ERMP1: variants seen among roughly 807,000 people sequenced by gnomAD.
ERMP1 encodes Felix-ina.
In ERMP1, 86 loss-of-function variants were observed where a neutral mutation model predicts 92.0. That is an observed-to-expected ratio of 0.93 (90% CI 0.79 to 1.12). The LOEUF is 1.12. Ranked by LOEUF, ERMP1 falls within the 50% of genes most tolerant of loss-of-function variation. The probability of loss-of-function intolerance (pLI) is 0.00; values close to 1 mark genes in which losing one functional copy is unlikely to be tolerated. For synonymous variants in ERMP1, 530 were observed against 412.8 expected (o/e 1.28, Z -3.44); for missense variants, 1,342 against 1,116.3 (o/e 1.20, Z -2.88).
intron 1 of ERMP1, 118 bp downstream of exon 1, chr9:5,832,572 G>A (rs1001802363): frequency 2.8e-5 from 22 of 776,036 alleles, no homozygotes; most frequent in South Asian, 1.2e-4. Flanking sequence ...CAGCCTGGGA[G>A]GGGTCAGCGA....
At chr9:5,798,242 GT>G (rs1049264585) in intron 12 of ERMP1, among the ~76,000 whole-genome samples, 2 of 151,774 alleles carry the variant, frequency 1.3e-5, no homozygotes, top group African/African-American at 4.8e-5. Context: ...GAGAGACAGA[GT>G]TTTGCTGTTG....
intron 6 of ERMP1, among the ~76,000 whole-genome samples, chr9:5,842,178 G>C (rs1830173446): frequency 1.3e-5 from 2 of 152,220 alleles, no homozygotes; most frequent in African/African-American, 4.8e-5. Flanking sequence ...GGGGTGGCCA[G>C]CTTTTATTCC....
At chr9:5,859,933 G>A (rs1288903806) in intron 5 of ERMP1, among the ~76,000 whole-genome samples, 1 of 152,064 alleles carries the variant, frequency 6.6e-6, no homozygotes, top group African/African-American at 2.4e-5. Context: ...GTATTACACA[G>A]GTCTTAGTAC....
chr9:5,839,662 A>G (rs1392540767), intron 6 of ERMP1, among the ~76,000 whole-genome samples: 1 of 151,920 alleles, frequency 6.6e-6, no homozygotes, highest in Non-Finnish European at 1.5e-5. Flanking sequence ...CTCCTCCTGC[A>G]GCCCCCTGAA....
At chr9:5,804,815 A>C (rs1310402558) in intron 10 of ERMP1, among the ~76,000 whole-genome samples, 1 of 151,930 alleles carries the variant, frequency 6.6e-6, no homozygotes, top group Non-Finnish European at 1.5e-5. Flanking sequence ...AAGGATAGGG[A>C]GGCAAAAAAC....
intron 10 of ERMP1, 92 bp from the exon 11 acceptor site, chr9:5,801,420 C>T: frequency 8.0e-7 from 1 of 1,244,778 alleles, no homozygotes; most frequent in Non-Finnish European, 1.1e-6. Context: ...ACAGTATTAC[C>T]TAACAGCCCC....
chr9:5,859,568 C>T (rs1185785024), exon 6 of ERMP1, among the ~76,000 whole-genome samples: 1 of 152,242 alleles, frequency 6.6e-6, no homozygotes, highest in Admixed American at 6.5e-5. Flanking sequence ...AGTTCCGAGG[C>T]GAAGTTCAGG....
At position 5,784,990 on chromosome 9, in the gene ERMP1, A is replaced by G. The variant is rs1000719978; in HGVS notation, c.*2154T>C. The G allele has an allele frequency of 4.6e-5, 7 of 152,152 alleles. No homozygotes were observed. Among genetic ancestry groups the G allele is most frequent in the African/African-American group, 1.4e-4 (6 of 41,422 alleles). The allele number at this position is 152,152 out of a possible 1,614,324, so 9.4% of individuals were successfully genotyped here. ...ATTTTTTTTAATCTCAGAATCTACT[A>G]ATGTGACAGACAAACGGTATGCTTA... On this transcript the variant is annotated 3_prime_UTR_variant, in exon 15 of 15. Coordinates refer to ENST00000339450, the MANE Select transcript of ERMP1 (RefSeq NM_024896.3).
At chr9:5,845,059 C>T (rs1198318917) in intron 6 of ERMP1, among the ~76,000 whole-genome samples, 1 of 152,016 alleles carries the variant, frequency 6.6e-6, no homozygotes, top group Non-Finnish European at 1.5e-5. Flanking sequence ...CAGTATAGGG[C>T]CTTTGAAACT....
chr9:5,861,717 GTTTTT>G (rs34804675), intron 5 of ERMP1, among the ~76,000 whole-genome samples: 3 of 66,228 alleles, frequency 4.5e-5, no homozygotes, highest in Admixed American at 2.4e-4. Flanking sequence ...GAGAGGAAGG[GTTTTT>G]TTTTTTTTTT....
At chr9:5,832,387 A>G (rs752715252) in intron 1 of ERMP1, 4 of 366,546 alleles carry the variant, frequency 1.1e-5, no homozygotes, top group African/African-American at 2.1e-5. Context: ...GTTCCAGAAT[A>G]TGGGGAGACG....
At chr9:5,810,292 G>C (rs949975710) in intron 7 of ERMP1, 61 bp from the exon 8 acceptor site, 3 of 1,251,082 alleles carry the variant, frequency 2.4e-6, no homozygotes, top group African/African-American at 3.0e-5. Context: ...TATATAACCA[G>C]TCAGTAGAGC....
intron 6 of ERMP1, among the ~76,000 whole-genome samples, chr9:5,845,717 C>G (rs182193517): frequency 2.0e-4 from 31 of 152,284 alleles, no homozygotes; most frequent in African/African-American, 6.0e-4. Context: ...GTAGGGTGCC[C>G]TCTTAGAGCA....
At chr9:5,864,314 G>T (rs1194271125) in intron 5 of ERMP1, among the ~76,000 whole-genome samples, 1 of 152,128 alleles carries the variant, frequency 6.6e-6, no homozygotes, top group Non-Finnish European at 1.5e-5. Flanking sequence ...ACTCAGTAAG[G>T]GAAAGGGCCA....
chr9:5,787,393 C>G (rs755798277), intron 14 of ERMP1, 37 bp downstream of exon 14: 2 of 1,607,648 alleles, frequency 1.2e-6, no homozygotes, highest in Admixed American at 1.7e-5. Context: ...ACCTGGGAAC[C>G]TAATCAATGA....
chr9:5,859,777 A>C (rs965184541), intron 5 of ERMP1, among the ~76,000 whole-genome samples: 1 of 152,190 alleles, frequency 6.6e-6, no homozygotes, highest in African/African-American at 2.4e-5. Context: ...CTTACTACAG[A>C]GACGTACTAT....
chr9:5,854,285 G>C (rs994085433), intron 6 of ERMP1, among the ~76,000 whole-genome samples: 16 of 151,802 alleles, frequency 1.1e-4, no homozygotes. Flanking sequence ...TGAATCTTTG[G>C]AATAGAAAAA....
intron 5 of ERMP1, 35 bp from the exon 6 acceptor site, chr9:5,812,252 T>G (rs1289583091): frequency 7.7e-7 from 1 of 1,306,008 alleles, no homozygotes; most frequent in South Asian, 1.3e-5. Context: ...AAAGTCATTT[T>G]GCTTTAAAGA....
intron 6 of ERMP1, among the ~76,000 whole-genome samples, chr9:5,843,846 C>T (rs961291205): frequency 6.6e-6 from 1 of 152,140 alleles, no homozygotes; most frequent in African/African-American, 2.4e-5. Flanking sequence ...GAGTTACAGC[C>T]CTCCTGGATT....
Sources: allele counts gnomAD v4.1 joint callset (sites outside exome capture counted in the v4.1 genomes callset), GRCh38; gene constraint gnomAD v4.1.1; transcripts MANE v1.5; gene names NCBI Gene and HGNC (gene_info 2026-07-23, HGNC 2026-07-21).